Variants in SENP7 observed in about 807,000 individuals in gnomAD.
The protein encoded by SENP7 is sentrin-specific protease 7.
Under a neutral mutation model 141.2 loss-of-function variants are expected in SENP7, and 64 were observed. The observed-to-expected ratio is 0.45, with a 90% CI of 0.37 to 0.56. The LOEUF (loss-of-function observed/expected upper bound fraction) is 0.56. SENP7 is among the 20% of genes least tolerant of loss of function. The pLI, the probability that SENP7 is intolerant of heterozygous loss-of-function variation, is 0.00. For synonymous variants in SENP7, 382 were observed against 426.4 expected (o/e 0.90, Z 1.28); for missense variants, 1,025 against 1,212.2 (o/e 0.85, Z 2.29).
chr3:101,394,536 G>C (rs1378367383), intron 6 of SENP7, among the ~76,000 whole-genome samples: 1 of 149,562 alleles, frequency 6.7e-6, no homozygotes, highest in Non-Finnish European at 1.5e-5. Context: ...TTTTTGAGAC[G>C]GAGTCTGGCT....
Position 101,332,839 on chromosome 3 carries a change from CTT to C in SENP7, c.2502_2503del (p.Arg835SerfsTer12). The C allele has an allele frequency of 6.3e-7, 1 of 1,578,202 alleles. No individual in the cohort carries two copies. The highest frequency in any genetic ancestry group is 8.6e-7 in the Non-Finnish European group (1 of 1,166,482). ...TATGTGACGAGTCCATGTTCTTACT[CTT>C]TTATGTCTTCTCTGTGCCATTCTGA... is the stretch of plus-strand genomic sequence containing the variant. On this transcript the variant is annotated frameshift_variant, in exon 18 of 24. Transcript: ENST00000394095. LOFTEE classifies it high-confidence loss of function.
intron 7 of SENP7, among the ~76,000 whole-genome samples, chr3:101,370,090 T>C (rs768503775): frequency 5.7e-4 from 87 of 152,088 alleles, no homozygotes; most frequent in Non-Finnish European, 5.1e-4. Context: ...TAATAAAGAT[T>C]CAATAGCTAA....
At chr3:101,500,548 A>C (rs56366087) in intron 2 of SENP7, among the ~76,000 whole-genome samples, 15,980 of 152,286 alleles carry the variant, frequency 0.1, 996 homozygotes, top group Admixed American at 0.17. Context: ...GTCTCTTAAA[A>C]AAAAAGAAAA....
intron 10 of SENP7, among the ~76,000 whole-genome samples, chr3:101,362,157 T>C (rs2059919846): frequency 6.6e-6 from 1 of 152,202 alleles, no homozygotes; most frequent in Admixed American, 6.5e-5. Context: ...TAGTCTCTAA[T>C]AGGTTTTATT....
At chr3:101,463,444 A>T (rs1217901910) in intron 3 of SENP7, among the ~76,000 whole-genome samples, 1 of 123,928 alleles carries the variant, frequency 8.1e-6, no homozygotes, top group East Asian at 2.4e-4. Context: ...AAAAACTCAG[A>T]TTTAAAAAAT....
In SENP7 at chr3:101,372,119, G is replaced by T; in HGVS notation, c.685C>A (p.Gln229Lys). The T allele has an allele frequency of 1.3e-6, 2 of 1,534,686 alleles. No homozygotes were observed. Among genetic ancestry groups the T allele is most frequent in the South Asian group, 1.3e-5 (1 of 78,446 alleles). The change falls in exon 7 of 24, where the codon CAA becomes AAA. Residue 229 changes from glutamine (Q) to lysine (K), a missense_variant. Around this residue, in one of 4 missense-constraint regions of SENP7, gnomAD observed 496 missense variants for 503.5 expected, o/e 0.99. Transcript: ENST00000394095. ...TTGTCATCTACTGTCTTACTTCGTT[G>T]TGAGCCCCTGCAAAAGAGAACTGTA... Reference protein sequence around the residue: ...KSCYLSERGSQRSKTVDDNSA... With the variant: ...KSCYLSERGSKRSKTVDDNSA...
chr3:101,370,319 A>G (rs1178847106), intron 7 of SENP7, among the ~76,000 whole-genome samples: 1 of 152,070 alleles, frequency 6.6e-6, no homozygotes, highest in African/African-American at 2.4e-5. Context: ...GTAGAGTAGG[A>G]ATCTTTGTCT....
intron 6 of SENP7, among the ~76,000 whole-genome samples, chr3:101,385,974 G>A (rs1047397676): frequency 7.2e-5 from 11 of 152,168 alleles, no homozygotes; most frequent in Non-Finnish European, 1.3e-4. Flanking sequence ...AAAGATCTGT[G>A]AAAGGACAGA....
intron 4 of SENP7, among the ~76,000 whole-genome samples, chr3:101,428,451 T>C (rs2062038237): frequency 6.6e-6 from 1 of 152,254 alleles, no homozygotes; most frequent in Non-Finnish European, 1.5e-5. Flanking sequence ...TGACCAGTGA[T>C]GATGAGAATT....
chr3:101,488,786 G>A (rs889343774), intron 3 of SENP7, among the ~76,000 whole-genome samples: 6 of 152,188 alleles, frequency 3.9e-5, no homozygotes, highest in African/African-American at 1.4e-4. Flanking sequence ...AGGTTGCAGT[G>A]AGCCAAGATC....
chr3:101,393,562 T>C (rs1425972311), intron 6 of SENP7, among the ~76,000 whole-genome samples: 8 of 152,210 alleles, frequency 5.3e-5, no homozygotes, highest in African/African-American at 1.9e-4. Flanking sequence ...AAAGAAGATA[T>C]ACAAATGTCC....
intron 3 of SENP7, among the ~76,000 whole-genome samples, chr3:101,477,470 G>A (rs1468314363): frequency 6.6e-6 from 1 of 150,698 alleles, no homozygotes; most frequent in South Asian, 2.1e-4. Context: ...CAATAAATAC[G>A]TATGACAAAA....
At chr3:101,438,602 C>T (rs1464379238) in intron 4 of SENP7, among the ~76,000 whole-genome samples, 1 of 152,034 alleles carries the variant, frequency 6.6e-6, no homozygotes, top group Non-Finnish European at 1.5e-5. Flanking sequence ...AATAAAAAAA[C>T]TTTAGAGTCT....
At chr3:101,369,614 A>G (rs990397272) in intron 7 of SENP7, among the ~76,000 whole-genome samples, 2 of 152,196 alleles carry the variant, frequency 1.3e-5, no homozygotes, top group East Asian at 1.9e-4. Context: ...AAAGTGGTCT[A>G]ATACAATTTC....
chr3:101,414,932 C>G (rs796693526), intron 5 of SENP7, among the ~76,000 whole-genome samples: 1 of 142,426 alleles, frequency 7.0e-6, no homozygotes, highest in Non-Finnish European at 1.6e-5. Context: ...AGGCCAGAGC[C>G]CTCCAACACA....
chr3:101,425,217 G>A (rs2061922062), intron 4 of SENP7, among the ~76,000 whole-genome samples: 1 of 152,174 alleles, frequency 6.6e-6, no homozygotes, highest in South Asian at 2.1e-4. Flanking sequence ...AGCTGCCACT[G>A]CACTACTGCA....
At chr3:101,414,155 A>G (rs978201263) in intron 5 of SENP7, 4 of 517,196 alleles carry the variant, frequency 7.7e-6, no homozygotes, top group Non-Finnish European at 3.4e-6. Flanking sequence ...GATCCTTTAA[A>G]AGACAGATTT....
intron 6 of SENP7, among the ~76,000 whole-genome samples, chr3:101,377,456 A>G (rs966384238): frequency 7.2e-5 from 11 of 152,208 alleles, no homozygotes; most frequent in Non-Finnish European, 1.5e-4. Flanking sequence ...ACATAAGTCT[A>G]AGAGTTAAAA....
At chr3:101,506,283 G>T (rs931953731) in intron 1 of SENP7, among the ~76,000 whole-genome samples, 7 of 152,214 alleles carry the variant, frequency 4.6e-5, no homozygotes, top group African/African-American at 1.7e-4. Context: ...GCCTCCCAAA[G>T]TGCTGGGATT....
Sources: gnomAD v4.1 joint callset for allele counts (sites outside exome capture counted in the v4.1 genomes callset) on GRCh38, gnomAD v4.1.1 for gene constraint, gnomAD v4.1.1 regional missense constraint, MANE v1.5 for transcripts, NCBI Gene and HGNC (gene_info 2026-07-23, HGNC 2026-07-21) for gene names.